Variants in EDARADD observed in about 807,000 individuals in gnomAD.
EDARADD encodes ectodysplasin-A receptor-associated adapter protein.
Under a neutral mutation model 25.6 loss-of-function variants are expected in EDARADD, and 20 were observed. The ratio of observed to expected loss-of-function variants is 0.78; its 90% CI spans 0.55 to 1.14. EDARADD has a LOEUF of 1.14. EDARADD is among the 50% of genes most tolerant of loss of function. The pLI, the probability that EDARADD is intolerant of heterozygous loss-of-function variation, is 0.00. For missense variants in EDARADD, 225 were observed against 270.1 expected, an observed-to-expected ratio of 0.83 and a Z score of 1.17; for synonymous variants, 86 against 94.4, an observed-to-expected ratio of 0.91 and a Z score of 0.52.
chr1:236,464,423 CTTTTTTTT>C (rs35064410), intron 4 of EDARADD, among the ~76,000 whole-genome samples: 2,170 of 72,924 alleles, frequency 0.03, 52 homozygotes, highest in African/African-American at 0.068. Context: ...CTTGCTGCAA[CTTTTTTTT>C]TTTTTTTTTT....
Position 236,483,159 on chromosome 1 carries a change from T to A in EDARADD, c.*510T>A, listed in dbSNP as rs1002564092. Reference sequence around the variant, plus strand: ...GGCAATGAGACCCAGTGGCTAGAAATTCACCATGTCTATTCTCAAGATCCA... The same window carrying A: ...GGCAATGAGACCCAGTGGCTAGAAAATCACCATGTCTATTCTCAAGATCCA... On this transcript the variant is annotated 3_prime_UTR_variant, in exon 6 of 6. Coordinates refer to ENST00000334232, the MANE Select transcript of EDARADD (RefSeq NM_145861.4). 1.4e-5 allele frequency: 21 copies of A among 1,541,786 alleles called. No homozygotes were observed. The highest frequency in any genetic ancestry group is 1.8e-5 in the Non-Finnish European group (20 of 1,117,548).
chr1:236,467,426 G>GCACACA (rs376781528), intron 4 of EDARADD, among the ~76,000 whole-genome samples: 1,879 of 138,974 alleles, frequency 0.014, 14 homozygotes, highest in Non-Finnish European at 0.016. Context: ...ACACACACGC[G>GCACACA]CACACACACA....
chr1:236,362,334 C>T (rs1163790454), intron 3 of EDARADD, among the ~76,000 whole-genome samples: 1 of 152,192 alleles, frequency 6.6e-6, no homozygotes, highest in African/African-American at 2.4e-5. Context: ...GCCTCCTTGC[C>T]ACCCATATAT....
intron 1 of EDARADD, among the ~76,000 whole-genome samples, chr1:236,407,975 A>G (rs1667767423): frequency 6.6e-6 from 1 of 152,210 alleles, no homozygotes; most frequent in South Asian, 2.1e-4. Flanking sequence ...CATTCAGAAG[A>G]TTAAGAAAAA....
At chr1:236,444,704 G>T (rs1012997953) in intron 4 of EDARADD, among the ~76,000 whole-genome samples, 1 of 152,152 alleles carries the variant, frequency 6.6e-6, no homozygotes, top group African/African-American at 2.4e-5. Context: ...GATTATAGGC[G>T]TGAGCCACCG....
intron 3 of EDARADD, among the ~76,000 whole-genome samples, chr1:236,353,899 TG>T (rs907374273): frequency 1.3e-5 from 2 of 152,094 alleles, no homozygotes; most frequent in Non-Finnish European, 2.9e-5. Flanking sequence ...AGTTTTTTTT[TG>T]CAAGAGAAAA....
intron 3 of EDARADD, among the ~76,000 whole-genome samples, chr1:236,385,160 G>T (rs547423470): frequency 6.9e-6 from 1 of 144,260 alleles, no homozygotes; most frequent in Admixed American, 7.2e-5. Context: ...TGTAATCTCA[G>T]CACTTTGGGA....
At chr1:236,428,952 G>A (rs921150006) in intron 4 of EDARADD, among the ~76,000 whole-genome samples, 17 of 152,198 alleles carry the variant, frequency 1.1e-4, no homozygotes, top group African/African-American at 2.9e-4. Flanking sequence ...CGGCCAACAG[G>A]GCGAAACCCC....
At chr1:236,393,394 T>TTTC (rs1558108086), upstream of EDARADD, among the ~76,000 whole-genome samples, 1 of 118,890 alleles carries the variant, frequency 8.4e-6, no homozygotes, top group East Asian at 2.4e-4. Context: ...TTTCTTTCTT[T>TTTC]TTTTTTTTTT....
chr1:236,476,193 C>T (rs1385087710), intron 5 of EDARADD, among the ~76,000 whole-genome samples: 6 of 146,044 alleles, frequency 4.1e-5, no homozygotes, highest in African/African-American at 1.5e-4. Flanking sequence ...GACTCCATCT[C>T]AAATAAATAA....
intron 3 of EDARADD, among the ~76,000 whole-genome samples, chr1:236,385,447 G>A (rs1667341962): frequency 6.7e-6 from 1 of 148,278 alleles, no homozygotes; most frequent in African/African-American, 2.5e-5. Context: ...TTCCAGGCTG[G>A]GCATAGTGGC....
chr1:236,399,770 C>A (rs753456613), intron 1 of EDARADD, among the ~76,000 whole-genome samples: 3 of 152,234 alleles, frequency 2.0e-5, no homozygotes, highest in Admixed American at 6.5e-5. Flanking sequence ...TTCCTTGCTT[C>A]GTTGCAGTAA....
At position 236,377,895 on chromosome 1, in the gene EDARADD, C is replaced by T. The variant is rs188013801; in HGVS notation, c.-6+27056C>T. On this transcript the variant is annotated intron_variant, in intron 3 of 7. Coordinates refer to the EDARADD transcript ENST00000439430. ...ACAGAAAACAAAAAGCAAACTGTAACTTTTTGCCTTTTAGTATGTCTTATA... is the reference window on the plus strand; with the variant it reads ...ACAGAAAACAAAAAGCAAACTGTAATTTTTTGCCTTTTAGTATGTCTTATA... Among the ~76,000 whole-genome samples, 439 of 151,958 alleles carry T rather than the reference C, an allele frequency of 2.9e-3. 2 individuals carry two copies. The highest frequency in any genetic ancestry group is 0.01 in the African/African-American group (419 of 41,474).
Position 236,421,307 on chromosome 1 carries a change from G to A in EDARADD, c.161-6085G>A, listed in dbSNP as rs1189292900. Reference sequence around the variant, plus strand: ...AAGTGGGGTGCCTCCTGGTTGTCAGGATGTGATTGGCTTGTTTGAGTTAAG... The same window carrying A: ...AAGTGGGGTGCCTCCTGGTTGTCAGAATGTGATTGGCTTGTTTGAGTTAAG... On this transcript the variant is annotated intron_variant, in intron 3 of 5. Transcript: ENST00000334232. Among the ~76,000 whole-genome samples the A allele has an allele frequency of 3.4e-5, 5 of 145,730 alleles. 2 individuals carry two copies. The highest frequency in any genetic ancestry group is 4.5e-5 in the Non-Finnish European group (3 of 66,208).
At chr1:236,392,913 A>G (rs1572123642), upstream of EDARADD, among the ~76,000 whole-genome samples, 1 of 152,134 alleles carries the variant, frequency 6.6e-6, no homozygotes, top group East Asian at 1.9e-4. Context: ...CAAGCGATCC[A>G]CCCACCTTGG....
intron 4 of EDARADD, 105 bp from the exon 5 acceptor site, chr1:236,468,126 C>A: frequency 1.8e-6 from 2 of 1,141,220 alleles, no homozygotes; most frequent in Non-Finnish European, 2.7e-6. Flanking sequence ...TCCACCCACC[C>A]CAGCCCCCAG....
intron 4 of EDARADD, among the ~76,000 whole-genome samples, chr1:236,456,836 C>A (rs561054977): frequency 6.6e-6 from 1 of 151,798 alleles, no homozygotes; most frequent in East Asian, 1.9e-4. Context: ...GCCCTGCAGC[C>A]GTCCTGTGGC....
At chr1:236,376,083 C>A (rs1195070356) in intron 3 of EDARADD, among the ~76,000 whole-genome samples, 2 of 151,750 alleles carry the variant, frequency 1.3e-5, no homozygotes, top group Non-Finnish European at 2.9e-5. Flanking sequence ...TACAGGCATG[C>A]ACCACCATGC....
chr1:236,424,841 TTG>T (rs1344378083), intron 3 of EDARADD, among the ~76,000 whole-genome samples: 1 of 152,176 alleles, frequency 6.6e-6, no homozygotes, highest in Admixed American at 6.5e-5. Flanking sequence ...TGCTACAACT[TTG>T]TCTTTTCTGC....
Sources: gnomAD v4.1 joint callset for allele counts (sites outside exome capture counted in the v4.1 genomes callset) on GRCh38, gnomAD v4.1.1 for gene constraint, MANE v1.5 for transcripts, NCBI Gene and HGNC (gene_info 2026-07-23, HGNC 2026-07-21) for gene names.